Variants in MAGI1 observed in about 807,000 individuals in gnomAD.
MAGI1 encodes membrane associated guanylate kinase, WW and PDZ domain containing 1.
MAGI1 carries 58 observed loss-of-function variants against 139.9 expected under a neutral mutation model. The observed-to-expected ratio is 0.41, with a 90% CI of 0.34 to 0.52. The LOEUF (loss-of-function observed/expected upper bound fraction) is 0.52, where lower values mean the gene tolerates loss of function less well. Among genes scored for constraint, MAGI1 ranks in the 20% least tolerant of loss-of-function variants. MAGI1 has a pLI of 0.12. For synonymous variants in MAGI1, 812 were observed against 737.9 expected, an observed-to-expected ratio of 1.10 and a Z score of -1.63; for missense variants, 1,874 against 1,901.6, an observed-to-expected ratio of 0.99 and a Z score of 0.27.
At chr3:65,937,437 T>C (rs1050119102) in intron 1 of MAGI1, among the ~76,000 whole-genome samples, 1 of 151,962 alleles carries the variant, frequency 6.6e-6, no homozygotes, top group Non-Finnish European at 1.5e-5. Flanking sequence ...AGAAGTCAGG[T>C]TTTTCCTGGA....
At chr3:65,383,294 C>T (rs551289430) in intron 15 of MAGI1, among the ~76,000 whole-genome samples, 9 of 152,286 alleles carry the variant, frequency 5.9e-5, no homozygotes, top group African/African-American at 2.2e-4. Flanking sequence ...GGGTGGTCTA[C>T]AGAGGCAGCT....
chr3:65,868,696 A>G (rs2108475294), intron 1 of MAGI1, among the ~76,000 whole-genome samples: 1 of 152,314 alleles, frequency 6.6e-6, no homozygotes, highest in East Asian at 1.9e-4. Flanking sequence ...TCAAAAAACC[A>G]CAGGCCATTA....
rs113257641 is a variant in MAGI1 at position 65,397,561 on chromosome 3, T to C, written c.2199+3878A>G. Among the ~76,000 whole-genome samples, 90 of 152,052 alleles carry C rather than the reference T, an allele frequency of 5.9e-4. 1 individual carries two copies. Among genetic ancestry groups the C allele is most frequent in the African/African-American group, 2.1e-3 (89 of 41,482 alleles). ...TTTTTTTTTAGTGAACAGGAAACTC[T>C]TGTCTCTTTAGTGAATATGGTACAC... On this transcript the variant is annotated intron_variant, in intron 13 of 22. Coordinates refer to ENST00000402939, the MANE Select transcript of MAGI1 (RefSeq NM_001033057.2).
In MAGI1 at chr3:65,530,827, A is replaced by ATATATATACACACATATATATACACG. The variant is rs1363593362; in HGVS notation, c.431-37197_431-37196insCGTGTATATATATGTGTGTATATATA. Among the ~76,000 whole-genome samples the ATATATATACACACATATATATACACG allele has an allele frequency of 4.6e-4, 11 of 23,930 alleles. 3 individuals are homozygous for ATATATATACACACATATATATACACG. Among genetic ancestry groups the ATATATATACACACATATATATACACG allele is most frequent in the Non-Finnish European group, 9.0e-4 (9 of 10,018 alleles). The allele number at this position is 23,930 out of a possible 152,430, so 15.7% of individuals were successfully genotyped here. Reference sequence around the variant, plus strand: ...TATACACACATATATATACACGTATATATATATATATACACACACACACAC... The same window carrying ATATATATACACACATATATATACACG: ...TATACACACATATATATACACGTATATATATATACACACATATATATACACGTATATATATATACACACACACACAC... On this transcript the variant is annotated intron_variant, in intron 2 of 22. Coordinates refer to ENST00000402939, the MANE Select transcript of MAGI1 (RefSeq NM_001033057.2).
chr3:65,772,468 T>C (rs546107767), intron 1 of MAGI1, among the ~76,000 whole-genome samples: 1 of 152,214 alleles, frequency 6.6e-6, no homozygotes, highest in East Asian at 1.9e-4. Flanking sequence ...TCACCACCAA[T>C]GTAGGCAAAA....
chr3:65,876,272 C>T (rs1337549521), intron 1 of MAGI1, among the ~76,000 whole-genome samples: 3 of 151,964 alleles, frequency 2.0e-5, no homozygotes, highest in Non-Finnish European at 4.4e-5. Context: ...CAGTGTGCTA[C>T]GATCACGCCT....
At chr3:65,576,303 G>A (rs1241542159) in intron 2 of MAGI1, among the ~76,000 whole-genome samples, 1 of 152,150 alleles carries the variant, frequency 6.6e-6, no homozygotes, top group Non-Finnish European at 1.5e-5. Flanking sequence ...AGCTCAGGGT[G>A]CTAGAACAAT....
intron 1 of MAGI1, among the ~76,000 whole-genome samples, chr3:65,929,476 G>A (rs113787340): frequency 2.9e-4 from 44 of 152,000 alleles, no homozygotes; most frequent in African/African-American, 1.1e-3. Context: ...AAGTAGCTGG[G>A]ACCCCCAACT....
intron 1 of MAGI1, among the ~76,000 whole-genome samples, chr3:65,638,175 G>A (rs982267526): frequency 3.3e-5 from 5 of 152,070 alleles, no homozygotes; most frequent in Non-Finnish European, 5.9e-5. Context: ...CAGAAAAATG[G>A]GGATAAGAAT....
intron 2 of MAGI1, among the ~76,000 whole-genome samples, chr3:65,591,324 T>C (rs1337361609): frequency 6.6e-6 from 1 of 152,068 alleles, no homozygotes; most frequent in Non-Finnish European, 1.5e-5. Context: ...ACCAAAACCC[T>C]TGGAGTCATT....
intron 1 of MAGI1, chr3:65,687,835 C>T: frequency 1.6e-6 from 1 of 607,282 alleles, no homozygotes; most frequent in Non-Finnish European, 3.3e-6. Context: ...ACTGTCATTA[C>T]AACAGTGCCA....
chr3:65,869,242 C>A (rs1376970712), intron 1 of MAGI1, among the ~76,000 whole-genome samples: 2 of 127,384 alleles, frequency 1.6e-5, no homozygotes, highest in African/African-American at 6.8e-5. Context: ...GGTGACAGAG[C>A]GAGACTCCGT....
At chr3:65,604,539 T>C (rs1190620979) in intron 2 of MAGI1, among the ~76,000 whole-genome samples, 1 of 152,114 alleles carries the variant, frequency 6.6e-6, no homozygotes, top group Admixed American at 6.5e-5. Context: ...GACTTTCATA[T>C]AATGTCAGAG....
chr3:65,885,084 T>C (rs970534101), intron 1 of MAGI1, among the ~76,000 whole-genome samples: 2 of 152,042 alleles, frequency 1.3e-5, no homozygotes, highest in Non-Finnish European at 2.9e-5. Flanking sequence ...AAAACAGTCA[T>C]AAAATAGATA....
chr3:65,826,124 A>C (rs2042216709), intron 1 of MAGI1, among the ~76,000 whole-genome samples: 1 of 152,028 alleles, frequency 6.6e-6, no homozygotes, highest in Non-Finnish European at 1.5e-5. Context: ...ACACATATAC[A>C]TGCATGGAAA....
At chr3:66,010,967 G>A (rs1402524451) in intron 1 of MAGI1, among the ~76,000 whole-genome samples, 1 of 152,184 alleles carries the variant, frequency 6.6e-6, no homozygotes, top group Non-Finnish European at 1.5e-5. Flanking sequence ...GAAGCCAAGT[G>A]TTACCTGTGG....
chr3:65,879,516 A>G (rs1331746969), intron 1 of MAGI1, among the ~76,000 whole-genome samples: 4 of 152,206 alleles, frequency 2.6e-5, no homozygotes, highest in Admixed American at 6.5e-5. Context: ...TTCACATATT[A>G]TAACAACCTT....
In MAGI1 at chr3:65,750,515, A is replaced by G. The variant is rs372609480; in HGVS notation, c.314-128427T>C. On this transcript the variant is annotated intron_variant, in intron 1 of 22. Transcript: ENST00000402939. ...TCTAAATAGTGATTTGATTTGTTTA[A>G]CAAATACTGGTTCACACACATTTTA... 4.6e-5 allele frequency among the ~76,000 whole-genome samples: 7 copies of G among 152,238 alleles called. No homozygotes were observed. The East Asian group carries it at 5.8e-4, about 13-fold the overall frequency.
intron 1 of MAGI1, among the ~76,000 whole-genome samples, chr3:65,842,965 G>A (rs2058858366): frequency 6.6e-6 from 1 of 152,184 alleles, no homozygotes; most frequent in African/African-American, 2.4e-5. Context: ...ACTGAAAAAT[G>A]TCTCCCCTAC....
Sources: allele counts gnomAD v4.1 joint callset (sites outside exome capture counted in the v4.1 genomes callset), GRCh38; gene constraint gnomAD v4.1.1; transcripts MANE v1.5; gene names NCBI Gene and HGNC (gene_info 2026-07-23, HGNC 2026-07-21).